NRG1: variants seen among roughly 807,000 people sequenced by gnomAD.
The protein encoded by NRG1 is pro-neuregulin-1, membrane-bound isoform.
NRG1 carries 18 observed loss-of-function variants against 63.8 expected under a neutral mutation model. That is an observed-to-expected ratio of 0.28 (90% confidence interval 0.19 to 0.42). The LOEUF is 0.42. Ranked by LOEUF, NRG1 falls within the 10% of genes least tolerant of loss-of-function variation. NRG1 has a pLI of 1.00. For missense variants in NRG1, 762 were observed against 814.7 expected, an observed-to-expected ratio of 0.94 and a Z score of 0.79; for synonymous variants, 302 against 301.3, an observed-to-expected ratio of 1.00 and a Z score of -0.02.
chr8:32,123,710 T>C (rs1373134417), intron 1 of NRG1, among the ~76,000 whole-genome samples: 1 of 150,994 alleles, frequency 6.6e-6, no homozygotes, highest in African/African-American at 2.4e-5. Context: ...TTTAAGTTAA[T>C]TTATAACTTA....
intron 1 of NRG1, among the ~76,000 whole-genome samples, chr8:32,197,637 T>C (rs569657772): frequency 3.3e-5 from 5 of 152,332 alleles, no homozygotes; most frequent in South Asian, 2.1e-4. Flanking sequence ...ACCATAAACA[T>C]TTGGTGTACC....
intron 1 of NRG1, among the ~76,000 whole-genome samples, chr8:31,952,762 C>T (rs987376724): frequency 2.6e-5 from 4 of 152,142 alleles, no homozygotes; most frequent in East Asian, 1.9e-4. Flanking sequence ...TGACCCAGAC[C>T]GCAAAATGTC....
At chr8:32,014,658 A>G (rs889810367) in intron 1 of NRG1, among the ~76,000 whole-genome samples, 4 of 151,750 alleles carry the variant, frequency 2.6e-5, no homozygotes, top group Non-Finnish European at 5.9e-5. Context: ...TTTTTTTCCA[A>G]TTTGTCGTCT....
intron 3 of NRG1, among the ~76,000 whole-genome samples, chr8:32,606,908 T>G (rs556816076): frequency 6.6e-6 from 1 of 152,200 alleles, no homozygotes; most frequent in East Asian, 1.9e-4. Context: ...TGTAACATAC[T>G]AAGAAAGTGA....
At position 32,154,452 on chromosome 8, in the gene NRG1, AC is replaced by A. The variant is rs537988112; in HGVS notation, c.38-441370del. Among the ~76,000 whole-genome samples the A allele has an allele frequency of 1.4e-4, 20 of 146,618 alleles. No individual in the cohort carries two copies. In the South Asian group the frequency reaches 2.6e-3, roughly 19 times the overall value. ...CCCACTTCCTCTCTTCCTTCCTGGC[AC>A]CCCCCAGCACTCCCTTCCCTCCTTC... On this transcript the variant is annotated intron_variant, in intron 1 of 10. Transcript: ENST00000519301.
At chr8:32,145,765 T>C (rs1737724824) in intron 1 of NRG1, among the ~76,000 whole-genome samples, 1 of 152,250 alleles carries the variant, frequency 6.6e-6, no homozygotes, top group Admixed American at 6.5e-5. Flanking sequence ...AGGGTGTTTA[T>C]TATCAGCAGC....
intron 1 of NRG1, among the ~76,000 whole-genome samples, chr8:32,278,741 T>C (rs1436635864): frequency 1.3e-5 from 2 of 152,142 alleles, no homozygotes; most frequent in African/African-American, 2.4e-5. Flanking sequence ...TCACTCTGGG[T>C]AGACTCTGCC....
intron 1 of NRG1, among the ~76,000 whole-genome samples, chr8:32,515,816 C>T (rs1251295033): frequency 2.0e-5 from 3 of 152,042 alleles, no homozygotes; most frequent in African/African-American, 7.2e-5. Flanking sequence ...GATATTAGAC[C>T]TTTGCCCACT....
chr8:31,649,386 T>G (rs532948190), intron 1 of NRG1, among the ~76,000 whole-genome samples: 1 of 152,342 alleles, frequency 6.6e-6, no homozygotes, highest in South Asian at 2.1e-4. Context: ...ACACATGCTA[T>G]TTTCTACTGT....
chr8:32,001,042 T>C (rs924029496), intron 1 of NRG1, among the ~76,000 whole-genome samples: 1 of 152,108 alleles, frequency 6.6e-6, no homozygotes, highest in Admixed American at 6.6e-5. Flanking sequence ...ATTGTGAAGA[T>C]ACTACAGTGA....
intron 1 of NRG1, among the ~76,000 whole-genome samples, chr8:32,199,382 C>T (rs1213286638): frequency 6.6e-6 from 1 of 152,190 alleles, no homozygotes; most frequent in Non-Finnish European, 1.5e-5. Context: ...AAAGGTGTAG[C>T]CCTGATACTT....
chr8:32,729,947 A>C (rs961421820), intron 6 of NRG1, among the ~76,000 whole-genome samples: 1 of 152,206 alleles, frequency 6.6e-6, no homozygotes, highest in South Asian at 2.1e-4. Context: ...TACAGTGCCA[A>C]GACAAGTGTT....
In NRG1 at chr8:32,141,528, G is replaced by C. The variant is rs1472603985; in HGVS notation, c.38-454300G>C. Among the ~76,000 whole-genome samples, 14 of 146,236 alleles carry C rather than the reference G, an allele frequency of 9.6e-5. No individual in the cohort carries two copies. In the East Asian group the frequency reaches 2.8e-3, roughly 29 times the overall value. On this transcript the variant is annotated intron_variant, in intron 1 of 10. Coordinates refer to the NRG1 transcript ENST00000519301. ...TCAGATGTGAGATAGTTAAGTGTGT[G>C]TGTGTGTGTGTGTGTGTATATATAT...
rs951169162 is a variant in NRG1, at chr8:32,331,385, G to T, written c.38-264443G>T. Among the ~76,000 whole-genome samples, 324 of 93,928 alleles carry T rather than the reference G, an allele frequency of 3.4e-3. 2 individuals are homozygous for T. Among genetic ancestry groups the T allele is most frequent in the African/African-American group, 0.013 (314 of 23,714 alleles). The allele number at this position is 93,928 out of a possible 152,430, so 61.6% of individuals were successfully genotyped here. A position where few individuals can be genotyped will look rare whatever the true frequency, so the allele number is the denominator to read the frequency against. ...AAATACAAAAAAAAAAAAAAAAATA[G>T]CTGGGTGTGGTGATATGCCCCTGTT... On this transcript the variant is annotated intron_variant, in intron 1 of 10. Transcript: ENST00000519301.
intron 1 of NRG1, among the ~76,000 whole-genome samples, chr8:32,186,972 T>C (rs890369408): frequency 2.6e-5 from 4 of 152,202 alleles, no homozygotes; most frequent in African/African-American, 9.6e-5. Flanking sequence ...ACTGAGCATG[T>C]TGGGCTGCCT....
intron 1 of NRG1, among the ~76,000 whole-genome samples, chr8:32,172,143 CA>C (rs1246369492): frequency 4.6e-5 from 7 of 152,278 alleles, no homozygotes; most frequent in African/African-American, 1.7e-4. Flanking sequence ...TCCTCTGAGA[CA>C]AAACTTCCAG....
At chr8:32,153,438 A>G (rs1837722453) in intron 1 of NRG1, among the ~76,000 whole-genome samples, 1 of 152,164 alleles carries the variant, frequency 6.6e-6, no homozygotes, top group Admixed American at 6.5e-5. Flanking sequence ...AATGAGGGAA[A>G]ATGGAGTTCC....
At chr8:32,083,495 A>G (rs1442192858) in intron 1 of NRG1, among the ~76,000 whole-genome samples, 1 of 152,194 alleles carries the variant, frequency 6.6e-6, no homozygotes, top group Non-Finnish European at 1.5e-5. Context: ...GGCATATTTT[A>G]TCTCAAATCC....
intron 1 of NRG1, among the ~76,000 whole-genome samples, chr8:32,204,801 T>C (rs548937407): frequency 6.6e-6 from 1 of 152,340 alleles, no homozygotes; most frequent in Non-Finnish European, 1.5e-5. Flanking sequence ...GTGTTCTATC[T>C]GAAGAAAATC....
Sources: gnomAD v4.1 joint callset for allele counts (sites outside exome capture counted in the v4.1 genomes callset) on GRCh38, gnomAD v4.1.1 for gene constraint, MANE v1.5 for transcripts, NCBI Gene and HGNC (gene_info 2026-07-23, HGNC 2026-07-21) for gene names.